The following KIF1A variants were observed in gnomAD, a reference collection of about 807,000 sequenced individuals.
KIF1A encodes kinesin family member 1A, also known as kinesin-like protein KIF1A.
A neutral mutation model predicts 227.3 loss-of-function variants in KIF1A; 46 were observed. The observed-to-expected ratio is 0.20, with a 90% CI of 0.16 to 0.26. The LOEUF is 0.26. Ranked by LOEUF, KIF1A falls within the 10% of genes least tolerant of loss-of-function variation. KIF1A has a pLI of 1.00. For missense variants in KIF1A, 1,683 were observed against 2,485.9 expected, an observed-to-expected ratio of 0.68 and a Z score of 6.87; for synonymous variants, 1,022 against 1,012.8, an observed-to-expected ratio of 1.01 and a Z score of -0.17.
chr2:240,718,220 C>T, intron 47 of KIF1A, 52 bp from the exon 48 acceptor site: 1 of 1,254,210 alleles, frequency 8.0e-7, no homozygotes, highest in Non-Finnish European at 1.1e-6. Flanking sequence ...GGTCAGCACA[C>T]CACCCTCCTG....
rs1472876246 is a variant in KIF1A, at chr2:240,792,353, C to T, written c.107-3041G>A. ...TCCTCCCAGGGCCTGCTGGGCTGGG[C>T]TCCTCAGCCAGCCCCTTTAGGGCCC... On this transcript the variant is annotated intron_variant, in intron 2 of 48. Transcript: ENST00000498729. This position sits in a 1 kb window ranked among gnomAD's most constrained non-coding sequence, Gnocchi z 4.5. Among the ~76,000 whole-genome samples the T allele has an allele frequency of 6.6e-6, 1 of 151,924 alleles. No individual in the cohort carries two copies. Among genetic ancestry groups the T allele is most frequent in the Non-Finnish European group, 1.5e-5 (1 of 67,946 alleles).
chr2:240,797,922 G>T, intron 1 of KIF1A, 110 bp from the exon 2 acceptor site: 1 of 584,290 alleles, frequency 1.7e-6, no homozygotes, highest in Non-Finnish European at 3.1e-6. Context: ...AAAGCTCCCA[G>T]TGTGATACAT....
intron 1 of KIF1A, among the ~76,000 whole-genome samples, chr2:240,806,200 T>A (rs1003439138): frequency 2.6e-5 from 4 of 152,156 alleles, no homozygotes; most frequent in Non-Finnish European, 5.9e-5. Flanking sequence ...GTTGAGAAGA[T>A]GGTGGTCAGA....
chr2:240,733,434 C>T (rs1265302286), intron 38 of KIF1A, among the ~76,000 whole-genome samples: 2 of 152,158 alleles, frequency 1.3e-5, no homozygotes, highest in Non-Finnish European at 2.9e-5. Context: ...AGCCCAGCCA[C>T]CATCACAGGG....
rs1469164595 is a variant in KIF1A at position 240,792,413 on chromosome 2, C to T, written c.107-3101G>A. On this transcript the variant is annotated intron_variant, in intron 2 of 48. Coordinates refer to ENST00000498729, the MANE Select transcript of KIF1A (RefSeq NM_001244008.2). This position sits in a 1 kb window ranked among gnomAD's most constrained non-coding sequence, Gnocchi z 4.5. The stretch of plus-strand genomic sequence containing the variant: ...CCCACCCCAGGCTCTGGCCAGGCCC[C>T]CAGAGCTGGGCCCCTCCAAGGCCGG... 1.3e-5 allele frequency among the ~76,000 whole-genome samples: 2 copies of T among 152,092 alleles called. No homozygotes were observed. The highest frequency in any genetic ancestry group is 2.4e-5 in the African/African-American group (1 of 41,410).
In KIF1A at chr2:240,726,015, G is replaced by A. The variant is rs2045962970; in HGVS notation, c.4123-611C>T. ...GCTGGAATAATTCGGCTGTAACTAA[G>A]GAGAGGGGATGTGCTTGCAGATGCC... On this transcript the variant is annotated intron_variant, in intron 39 of 48. Transcript: ENST00000498729. This position sits in a 1 kb window ranked among gnomAD's most constrained non-coding sequence, Gnocchi z 5.2. 1 of 152,350 alleles carries A rather than the reference G, an allele frequency of 6.6e-6. No individual in the cohort carries two copies. The highest frequency in any genetic ancestry group is 2.4e-5 in the African/African-American group (1 of 41,454). The allele number at this position is 152,350 out of a possible 1,614,324, so 9.4% of individuals were successfully genotyped here.
Position 240,739,956 on chromosome 2 carries a change from A to T in KIF1A, c.3901+102T>A. On this transcript the variant is annotated intron_variant, in intron 37 of 48. Coordinates refer to ENST00000498729, the MANE Select transcript of KIF1A (RefSeq NM_001244008.2). The surrounding 1 kb of genome is among the most constrained non-coding windows in gnomAD (Gnocchi z 5.6). ...GACCCGGCCAGGGTCACGCAGCAAC[A>T]GACGCAGAGGTGTGGTTAGAACCCG... The T allele has an allele frequency of 3.6e-6, 3 of 843,672 alleles. No homozygotes were observed. The highest frequency in any genetic ancestry group is 3.0e-5 in the South Asian group (2 of 65,730). The allele number at this position is 843,672 out of a possible 1,614,324, so 52.3% of individuals were successfully genotyped here. A position where few individuals can be genotyped will look rare whatever the true frequency, so the allele number is the denominator to read the frequency against.
Position 240,721,821 on chromosome 2 carries a change from C to A in KIF1A, c.4729G>T (p.Ala1577Ser), listed in dbSNP as rs753798028. The change falls in exon 44 of 49, where the codon GCC becomes TCC. Residue 1577 changes from alanine to serine, a missense_variant. Ala to Ser is a moderately conservative substitution (Grantham distance 99). Coordinates refer to ENST00000498729, the MANE Select transcript of KIF1A (RefSeq NM_001244008.2). Reference sequence around the variant, plus strand: ...TCTGCACCCACCTTGCTCTCGCTGGCACTGACGCAGACGTGGCTGTGTGTG... The same window carrying A: ...TCTGCACCCACCTTGCTCTCGCTGGAACTGACGCAGACGTGGCTGTGTGTG... ...EYTHSHVCVS[A>S]SESKLSEMSV... 6.2e-7 allele frequency: 1 copy of A among 1,605,766 alleles called. No individual in the cohort carries two copies. Among genetic ancestry groups the A allele is most frequent in the African/African-American group, 1.3e-5 (1 of 75,032 alleles).
Position 240,778,268 on chromosome 2 carries a change from A to G in KIF1A, c.883-2342T>C, listed in dbSNP as rs1176850425. Among the ~76,000 whole-genome samples the G allele has an allele frequency of 6.6e-6, 1 of 151,888 alleles. No individual in the cohort carries two copies. The highest frequency in any genetic ancestry group is 1.5e-5 in the Non-Finnish European group (1 of 67,968). On this transcript the variant is annotated intron_variant, in intron 10 of 48. Transcript: ENST00000498729. The surrounding 1 kb of genome is among the most constrained non-coding windows in gnomAD (Gnocchi z 7.2). ...CACAGTTCTCTGTGGAGTTCTTTACACAGTTCCACGCGATCCTCACCTAGG... is the reference window on the plus strand; with the variant it reads ...CACAGTTCTCTGTGGAGTTCTTTACGCAGTTCCACGCGATCCTCACCTAGG...
rs2057529093 is a variant in KIF1A at position 240,807,442 on chromosome 2, C to G, written c.-60-9630G>C. ...ACAGGCATGAGCCACCGCACCCAGC[C>G]CCTTCCATATATTTTAAATCATCTC... On this transcript the variant is annotated intron_variant, in intron 1 of 48. Coordinates refer to ENST00000498729, the MANE Select transcript of KIF1A (RefSeq NM_001244008.2). 2.0e-5 allele frequency among the ~76,000 whole-genome samples: 3 copies of G among 152,096 alleles called. No individual in the cohort carries two copies. In the South Asian group the frequency reaches 6.2e-4, roughly 32 times the overall value.
rs189757459 is a variant in KIF1A, at chr2:240,715,557, T to G, written c.*1807A>C. On this transcript the variant is annotated 3_prime_UTR_variant, in exon 49 of 49. Transcript: ENST00000498729. ...GCAGCCACAGAGACTGCAGCCAGCA[T>G]GGGCCCTGGCCTGCCCTGCACACCA... is the stretch of plus-strand genomic sequence containing the variant. The G allele has an allele frequency of 1.3e-5, 2 of 152,390 alleles. No homozygotes were observed. The highest frequency in any genetic ancestry group is 6.5e-5 in the Admixed American group (1 of 15,300). The allele number at this position is 152,390 out of a possible 1,614,324, so 9.4% of individuals were successfully genotyped here.
rs139081151 is a variant in KIF1A, at chr2:240,778,009, C to T, written c.883-2083G>A. On this transcript the variant is annotated intron_variant, in intron 10 of 48. Transcript: ENST00000498729. The surrounding 1 kb of genome is among the most constrained non-coding windows in gnomAD (Gnocchi z 7.2). ...CCCTCAAGGAGCTCTCGCCGTTCCC[C>T]GCACGGTTCCCACGCGGCTGCTCGC... is the stretch of plus-strand genomic sequence containing the variant. 2.1e-3 allele frequency among the ~76,000 whole-genome samples: 324 copies of T among 152,294 alleles called. No individual in the cohort carries two copies. Among genetic ancestry groups the T allele is most frequent in the Middle Eastern group, 3.4e-3 (1 of 294 alleles).
At chr2:240,764,127 G>A (rs2050858163) in intron 20 of KIF1A, among the ~76,000 whole-genome samples, 1 of 152,150 alleles carries the variant, frequency 6.6e-6, no homozygotes, top group Admixed American at 6.5e-5. Context: ...GGGCCCCATA[G>A]AGCCGGCTCT....
chr2:240,719,145 C>T lies in KIF1A; in HGVS notation c.5075G>A (p.Gly1692Asp). 6.2e-7 allele frequency: 1 copy of T among 1,612,384 alleles called. No individual in the cohort carries two copies. Among genetic ancestry groups the T allele is most frequent in the Non-Finnish European group, 8.5e-7 (1 of 1,179,620 alleles). The change falls in exon 47 of 49, where the codon GGC becomes GAC. Residue 1692 changes from glycine (G) to aspartate (D), a missense_variant. This residue lies in a region of KIF1A where 384 missense variants were observed against 410.1 expected (regional missense o/e 0.94). Transcript: ENST00000498729. Reference protein sequence around the residue: ...YLHFLEPHTSGWARRFVVVRR... With the variant: ...YLHFLEPHTSDWARRFVVVRR... ...CACCACCACGAAGCGCCTGGCCCAG[C>T]CTGACGTGTGCGGCTCCAGGAAGTG... is the stretch of plus-strand genomic sequence containing the variant.
In KIF1A at chr2:240,741,349, C is replaced by A. The variant is rs371491091; in HGVS notation, c.3669G>T (p.Thr1223=). 5 of 1,586,544 alleles carry A rather than the reference C, an allele frequency of 3.2e-6. No individual in the cohort carries two copies. The African/African-American group carries it at 6.7e-5, about 21-fold the overall frequency. ...AGTGGCAGGGTCCCGGACAGGGCCG[C>A]GTCAGTGTGCTGAGCTTGGTGGCGG... The part of the protein sequence containing the change: ...PVPATKLSTL[T]RPCPGPCHCK... The change falls in exon 35 of 49, where the codon ACG becomes ACT. Residue 1223 remains threonine, a synonymous_variant. Coordinates refer to ENST00000498729, the MANE Select transcript of KIF1A (RefSeq NM_001244008.2).
intron 18 of KIF1A, 64 bp from the exon 19 acceptor site, chr2:240,767,085 T>A: frequency 1.5e-6 from 2 of 1,336,982 alleles, no homozygotes; most frequent in East Asian, 4.9e-5. Context: ...CGCCACCCAC[T>A]GGCCTCCAGG....
chr2:240,809,412 G>A (rs774770079), intron 1 of KIF1A, among the ~76,000 whole-genome samples: 1 of 152,174 alleles, frequency 6.6e-6, no homozygotes, highest in Admixed American at 6.5e-5. Context: ...TGCAACAGAA[G>A]GGACCCCAGG....
intron 23 of KIF1A, among the ~76,000 whole-genome samples, 182 bp from the exon 24 acceptor site, chr2:240,761,559 C>G (rs2050534143): frequency 6.6e-6 from 1 of 152,208 alleles, no homozygotes; most frequent in African/African-American, 2.4e-5. Flanking sequence ...GAAGGTTACT[C>G]CCCCTGTGGT....
intron 10 of KIF1A, among the ~76,000 whole-genome samples, chr2:240,780,587 C>T (rs1575616050): frequency 6.6e-6 from 1 of 152,028 alleles, no homozygotes; most frequent in Non-Finnish European, 1.5e-5. Context: ...CACCCTGTGG[C>T]ACACACGTCC....
Sources: allele counts gnomAD v4.1 joint callset (sites outside exome capture counted in the v4.1 genomes callset), GRCh38; gene constraint gnomAD v4.1.1; regional missense constraint gnomAD v4.1.1; non-coding constraint Gnocchi (gnomAD v3.1); transcripts MANE v1.5; gene names NCBI Gene and HGNC (gene_info 2026-07-23, HGNC 2026-07-21).